The following USH2A variants were observed in gnomAD, a reference collection of about 807,000 sequenced individuals.
The protein encoded by USH2A is Usher syndrome 2A (autosomal recessive, mild).
In USH2A, 443 loss-of-function variants were observed where a neutral mutation model predicts 538.9. The ratio of observed to expected loss-of-function variants is 0.82; its 90% CI spans 0.76 to 0.89. The LOEUF (loss-of-function observed/expected upper bound fraction) is 0.89. Among genes scored for constraint, USH2A ranks in the 40% least tolerant of loss-of-function variants. USH2A has a pLI of 0.00. For missense variants in USH2A, 6,633 were observed against 6,324.8 expected (o/e 1.05, Z -1.65); for synonymous variants, 2,413 against 2,273.5 (o/e 1.06, Z -1.75).
At chr1:215,986,805 C>T (rs919050639) in intron 35 of USH2A, among the ~76,000 whole-genome samples, 2 of 152,070 alleles carry the variant, frequency 1.3e-5, no homozygotes, top group Non-Finnish European at 2.9e-5. Context: ...TGGTATTGTC[C>T]CTATCATCGG....
chr1:216,376,016 C>A (rs1212508246), intron 3 of USH2A, among the ~76,000 whole-genome samples: 3 of 151,890 alleles, frequency 2.0e-5, no homozygotes, highest in Non-Finnish European at 4.4e-5. Context: ...TCATGGCACC[C>A]CCTGAAATTA....
intron 22 of USH2A, among the ~76,000 whole-genome samples, chr1:216,094,814 G>T (rs1475435026): frequency 3.3e-5 from 5 of 151,988 alleles, no homozygotes; most frequent in Non-Finnish European, 5.9e-5. Flanking sequence ...TTATAACCTG[G>T]CTTGGTCACT....
intron 13 of USH2A, among the ~76,000 whole-genome samples, chr1:216,236,665 T>C (rs925843903): frequency 3.9e-5 from 6 of 152,090 alleles, no homozygotes; most frequent in African/African-American, 7.2e-5. Context: ...GAGTGGTTGG[T>C]CAGAGTGGCC....
intron 61 of USH2A, among the ~76,000 whole-genome samples, chr1:215,712,144 A>G (rs756653534): frequency 6.6e-6 from 1 of 152,192 alleles, no homozygotes; most frequent in Non-Finnish European, 1.5e-5. Context: ...ATATGCTATC[A>G]TATTTCTAAA....
chr1:216,083,715 G>A, intron 25 of USH2A, 129 bp from the exon 26 acceptor site: 1 of 933,608 alleles, frequency 1.1e-6, no homozygotes, highest in Non-Finnish European at 1.6e-6. Context: ...GCAAATCAAT[G>A]TTAAGAAATT....
chr1:215,640,549 G>A lies in USH2A; in HGVS notation c.14968+9C>T, dbSNP rs1264769830. The A allele has an allele frequency of 6.2e-7, 1 of 1,613,598 alleles. No individual in the cohort carries two copies. The highest frequency in any genetic ancestry group is 1.7e-5 in the Admixed American group (1 of 59,996). The stretch of plus-strand genomic sequence containing the variant: ...CTTCCACACTGAGAAACAGGAGTCA[G>A]AAACTAACTTTTGTCCGCCGTTCTC... On this transcript the variant is annotated intron_variant, in intron 68 of 71. Coordinates refer to ENST00000307340, the MANE Select transcript of USH2A (RefSeq NM_206933.4).
chr1:215,801,722 A>G (rs1662339916), intron 49 of USH2A, among the ~76,000 whole-genome samples: 1 of 152,166 alleles, frequency 6.6e-6, no homozygotes, highest in Non-Finnish European at 1.5e-5. Flanking sequence ...TACAGAATCA[A>G]TTCAATCCCT....
intron 11 of USH2A, among the ~76,000 whole-genome samples, chr1:216,281,559 C>A (rs2036776560): frequency 1.3e-5 from 2 of 152,072 alleles, no homozygotes; most frequent in Admixed American, 6.6e-5. Flanking sequence ...CCAGTAATTT[C>A]TTTCTTTTTA....
At chr1:216,421,352 G>A (rs1033319356) in intron 2 of USH2A, among the ~76,000 whole-genome samples, 2 of 152,010 alleles carry the variant, frequency 1.3e-5, no homozygotes, top group Non-Finnish European at 2.9e-5. Context: ...TTATATTACT[G>A]AACATCTTCC....
intron 15 of USH2A, among the ~76,000 whole-genome samples, chr1:216,214,490 G>C (rs2035305581): frequency 6.6e-6 from 1 of 151,980 alleles, no homozygotes; most frequent in Non-Finnish European, 1.5e-5. Context: ...AAACTCATGG[G>C]AAAGGCAAAA....
intron 10 of USH2A, among the ~76,000 whole-genome samples, chr1:216,290,403 T>A (rs939843967): frequency 1.3e-5 from 2 of 151,996 alleles, no homozygotes; most frequent in African/African-American, 2.4e-5. Flanking sequence ...GAAATCTCTC[T>A]TTTATTTATG....
intron 35 of USH2A, among the ~76,000 whole-genome samples, chr1:215,992,673 A>G (rs1442660641): frequency 6.6e-6 from 1 of 152,202 alleles, no homozygotes; most frequent in African/African-American, 2.4e-5. Flanking sequence ...GCCAAGGAAG[A>G]ACTAATGGCT....
intron 61 of USH2A, among the ~76,000 whole-genome samples, chr1:215,704,757 T>C (rs1158590371): frequency 6.6e-6 from 1 of 152,244 alleles, no homozygotes; most frequent in African/African-American, 2.4e-5. Flanking sequence ...CTGGAAAGGA[T>C]GTATTTCCAT....
chr1:215,758,194 G>A (rs548254469), intron 58 of USH2A, among the ~76,000 whole-genome samples: 25 of 151,932 alleles, frequency 1.6e-4, no homozygotes, highest in South Asian at 6.2e-4. Flanking sequence ...CCTGAGGCAG[G>A]AGATTTGTTT....
At chr1:216,090,169 T>C (rs1326549836) in intron 22 of USH2A, among the ~76,000 whole-genome samples, 4 of 151,868 alleles carry the variant, frequency 2.6e-5, no homozygotes, top group Admixed American at 2.6e-4. Context: ...TACCAGAAAA[T>C]TTCACCAAAC....
At chr1:216,158,057 C>A (rs1362874065) in intron 21 of USH2A, among the ~76,000 whole-genome samples, 2 of 152,146 alleles carry the variant, frequency 1.3e-5, no homozygotes, top group Non-Finnish European at 1.5e-5. Flanking sequence ...ACATTGTTCT[C>A]TGAAGCAATA....
In USH2A at chr1:215,965,611, C is replaced by T. The variant is rs12069955; in HGVS notation, c.6958-132G>A. 34,778 of 1,016,480 alleles carry T rather than the reference C, an allele frequency of 0.034. 704 individuals are homozygous for T. The highest frequency in any genetic ancestry group is 0.066 in the Middle Eastern group (205 of 3,118). The allele number at this position is 1,016,480 out of a possible 1,614,324, so 63.0% of individuals were successfully genotyped here. A position where few individuals can be genotyped will look rare whatever the true frequency, so the allele number is the denominator to read the frequency against. Reference sequence around the variant, plus strand: ...TTGACAGTAGCATCTTGTATGAATACCTCATTTTGTCAGCAGGATCAAAGC... The same window carrying T: ...TTGACAGTAGCATCTTGTATGAATATCTCATTTTGTCAGCAGGATCAAAGC... On this transcript the variant is annotated intron_variant, in intron 36 of 71. Coordinates refer to ENST00000307340, the MANE Select transcript of USH2A (RefSeq NM_206933.4).
chr1:215,854,128 T>G (rs1351253952), intron 44 of USH2A, among the ~76,000 whole-genome samples: 2 of 152,184 alleles, frequency 1.3e-5, no homozygotes, highest in African/African-American at 4.8e-5. Context: ...GGGCTCATAG[T>G]TCCACATGGC....
intron 69 of USH2A, 88 bp from the exon 70 acceptor site, chr1:215,634,791 G>A (rs1656423727): frequency 5.0e-6 from 8 of 1,606,258 alleles, no homozygotes; most frequent in Non-Finnish European, 2.6e-6. Context: ...GTAAATTAGA[G>A]AGGAGTTGAA....
Sources: allele counts gnomAD v4.1 joint callset (sites outside exome capture counted in the v4.1 genomes callset), GRCh38; gene constraint gnomAD v4.1.1; transcripts MANE v1.5; gene names NCBI Gene and HGNC (gene_info 2026-07-23, HGNC 2026-07-21).